The following HAUS1 variants were observed in gnomAD, a reference collection of about 807,000 sequenced individuals.
The protein encoded by HAUS1 is HAUS augmin-like complex subunit 1.
In HAUS1, 25 loss-of-function variants were observed where a neutral mutation model predicts 38.6. The observed-to-expected ratio is 0.65, with a 90% CI of 0.47 to 0.91. The LOEUF (loss-of-function observed/expected upper bound fraction) is 0.91, where lower values mean the gene tolerates loss of function less well. HAUS1 is among the 40% of genes least tolerant of loss of function. The pLI, the probability that HAUS1 is intolerant of heterozygous loss-of-function variation, is 0.00. For synonymous variants in HAUS1, 109 were observed against 112.9 expected, an observed-to-expected ratio of 0.97 and a Z score of 0.22; for missense variants, 325 against 328.4, an observed-to-expected ratio of 0.99 and a Z score of 0.08.
chr18:46,116,233 G>A lies in HAUS1; in HGVS notation c.206-1948G>A, dbSNP rs1308906225. The stretch of plus-strand genomic sequence containing the variant: ...ATATTTGTAAATATATCTGATATGG[G>A]ACTTGTATCTACAACATGTAAAGAA... On this transcript the variant is annotated intron_variant, in intron 2 of 8. Coordinates refer to ENST00000282058, the MANE Select transcript of HAUS1 (RefSeq NM_138443.4). 2.0e-5 allele frequency among the ~76,000 whole-genome samples: 3 copies of A among 151,868 alleles called. No individual in the cohort carries two copies. The East Asian group carries it at 5.8e-4, about 30-fold the overall frequency.
chr18:46,109,681 G>T lies in HAUS1; in HGVS notation c.205+4313G>T, dbSNP rs569044008. The T allele has an allele frequency of 2.6e-5, 4 of 151,720 alleles. No individual in the cohort carries two copies. In the South Asian group the frequency reaches 8.3e-4, roughly 32 times the overall value. 9.4% of individuals were successfully genotyped at this position (151,720 alleles called of 1,614,324 possible). ...CTGTCGCCCAGGCTGGAGTGCTTTG[G>T]TGTGATCTCAGCTCACTGCAACCTC... On this transcript the variant is annotated intron_variant, in intron 2 of 8. Coordinates refer to ENST00000282058, the MANE Select transcript of HAUS1 (RefSeq NM_138443.4).
At chr18:46,118,077 C>A in intron 2 of HAUS1, 104 bp from the exon 3 acceptor site, 4 of 1,062,262 alleles carry the variant, frequency 3.8e-6, no homozygotes, top group Non-Finnish European at 5.7e-6. Flanking sequence ...TACATACATA[C>A]CTTAGGTGGG....
At chr18:46,119,143 A>C (rs982817180) in intron 3 of HAUS1, among the ~76,000 whole-genome samples, 18 of 152,218 alleles carry the variant, frequency 1.2e-4, no homozygotes, top group Admixed American at 5.9e-4. Flanking sequence ...TGCTGGGATT[A>C]CAGGCGTGAG....
At chr18:46,109,093 AAAG>A (rs1186827363) in intron 2 of HAUS1, among the ~76,000 whole-genome samples, 7 of 151,954 alleles carry the variant, frequency 4.6e-5, no homozygotes, top group African/African-American at 1.7e-4. Context: ...AAAAAAGAGA[AAAG>A]AAGTTTAATT....
Position 46,124,811 on chromosome 18 carries a change from T to G in HAUS1, c.667-11T>G. ...TTCTATTACTCTGTGACTGTGTTCTTTTACCCCCAGAAACTGGCAAGATTA... is the reference window on the plus strand; with the variant it reads ...TTCTATTACTCTGTGACTGTGTTCTGTTACCCCCAGAAACTGGCAAGATTA... On this transcript the variant is annotated splice_polypyrimidine_tract_variant and intron_variant, in intron 6 of 8. Coordinates refer to ENST00000282058, the MANE Select transcript of HAUS1 (RefSeq NM_138443.4). 1 of 1,564,572 alleles carries G rather than the reference T, an allele frequency of 6.4e-7. No individual in the cohort carries two copies.
intron 6 of HAUS1, among the ~76,000 whole-genome samples, chr18:46,123,933 G>T (rs12959543): frequency 1.3e-5 from 2 of 151,874 alleles, no homozygotes; most frequent in Admixed American, 6.6e-5. Context: ...AGAGATGGGG[G>T]TCTTGCTATG....
At chr18:46,118,084 T>A in intron 2 of HAUS1, 97 bp from the exon 3 acceptor site, 1 of 1,127,376 alleles carries the variant, frequency 8.9e-7, no homozygotes, top group Non-Finnish European at 1.3e-6. Context: ...ATACCTTAGG[T>A]GGGTGGATTA....
At chr18:46,110,887 CTTTTT>C (rs57307297) in intron 2 of HAUS1, among the ~76,000 whole-genome samples, 2 of 96,048 alleles carry the variant, frequency 2.1e-5, no homozygotes, top group Non-Finnish European at 2.2e-5. Context: ...TCAAGATTTT[CTTTTT>C]TTTTTTTTTT....
intron 2 of HAUS1, among the ~76,000 whole-genome samples, chr18:46,109,183 C>T (rs531047991): frequency 7.9e-5 from 12 of 152,084 alleles, no homozygotes; most frequent in African/African-American, 1.7e-4. Flanking sequence ...AAGCAAGGCA[C>T]GTCTTACTCA....
intron 7 of HAUS1, 127 bp from the exon 8 acceptor site, chr18:46,125,617 T>G: frequency 1.7e-6 from 1 of 572,850 alleles, no homozygotes; most frequent in South Asian, 2.4e-5. Flanking sequence ...TAAATTTCAG[T>G]GTTATATGTA....
At chr18:46,113,320 G>T (rs561042046) in intron 2 of HAUS1, among the ~76,000 whole-genome samples, 4 of 151,886 alleles carry the variant, frequency 2.6e-5, no homozygotes, top group African/African-American at 9.6e-5. Flanking sequence ...CAAGTGATCT[G>T]CCTGCCTTGG....
chr18:46,110,700 T>C (rs891246695), intron 2 of HAUS1, among the ~76,000 whole-genome samples: 6 of 152,034 alleles, frequency 3.9e-5, no homozygotes, highest in Non-Finnish European at 8.8e-5. Context: ...GCCTTCATTT[T>C]TTAAAGGTAG....
At chr18:46,123,089 T>C in intron 5 of HAUS1, 1 of 471,368 alleles carries the variant, frequency 2.1e-6, no homozygotes, top group South Asian at 2.5e-5. Flanking sequence ...TGGGCGCCTG[T>C]AGTCCCAGCT....
At position 46,124,796 on chromosome 18, in the gene HAUS1, C is replaced by T. The variant is rs779032235; in HGVS notation, c.667-26C>T. On this transcript the variant is annotated intron_variant, in intron 6 of 8. Transcript: ENST00000282058. The stretch of plus-strand genomic sequence containing the variant: ...TTGCATTGTGAATGTTTCTATTACT[C>T]TGTGACTGTGTTCTTTTACCCCCAG... 19 of 1,416,656 alleles carry T rather than the reference C, an allele frequency of 1.3e-5. No homozygotes were observed. In the South Asian group the frequency reaches 1.9e-4, roughly 14 times the overall value. The allele number at this position is 1,416,656 out of a possible 1,614,324, so 87.8% of individuals were successfully genotyped here. A position where few individuals can be genotyped will look rare whatever the true frequency, so the allele number is the denominator to read the frequency against.
intron 2 of HAUS1, 74 bp from the exon 3 acceptor site, chr18:46,118,107 A>G (rs1363284522): frequency 4.1e-6 from 6 of 1,453,322 alleles, no homozygotes; most frequent in Non-Finnish European, 5.8e-6. Context: ...TGCTATGTGA[A>G]TTATGTCTTG....
chr18:46,105,082 A>G, intron 1 of HAUS1, 112 bp from the exon 2 acceptor site: 1 of 703,272 alleles, frequency 1.4e-6, no homozygotes, highest in Non-Finnish European at 2.3e-6. Context: ...GTAGGACTCC[A>G]AAATAGTCAC....
intron 2 of HAUS1, among the ~76,000 whole-genome samples, chr18:46,106,254 A>G (rs1169895996): frequency 6.6e-6 from 1 of 151,626 alleles, no homozygotes; most frequent in Non-Finnish European, 1.5e-5. Context: ...GCGGATCACA[A>G]GGTCAGGAGA....
intron 8 of HAUS1, among the ~76,000 whole-genome samples, chr18:46,126,948 T>A (rs1912126169): frequency 6.6e-6 from 1 of 151,440 alleles, no homozygotes; most frequent in Non-Finnish European, 1.5e-5. Flanking sequence ...GATTCTCCTG[T>A]CTCAGCCTCC....
At chr18:46,115,990 C>T (rs889389671) in intron 2 of HAUS1, among the ~76,000 whole-genome samples, 10 of 151,912 alleles carry the variant, frequency 6.6e-5, no homozygotes, top group Non-Finnish European at 1.0e-4. Context: ...CCTGTAATCC[C>T]ATCTACTTGG....
Sources: gnomAD v4.1 joint callset for allele counts (sites outside exome capture counted in the v4.1 genomes callset) on GRCh38, gnomAD v4.1.1 for gene constraint, MANE v1.5 for transcripts, NCBI Gene and HGNC (gene_info 2026-07-23, HGNC 2026-07-21) for gene names.